GLIS3: variants seen among roughly 807,000 people sequenced by gnomAD.
The protein encoded by GLIS3 is GLIS family zinc finger 3, also known as zinc finger protein GLIS3.
Under a neutral mutation model 78.6 loss-of-function variants are expected in GLIS3, and 53 were observed. The ratio of observed to expected loss-of-function variants is 0.67; its 90% confidence interval spans 0.54 to 0.85. GLIS3 has a LOEUF of 0.85. GLIS3 is among the 40% of genes least tolerant of loss of function. GLIS3 has a pLI of 0.00. For synonymous variants in GLIS3, 684 were observed against 509.9 expected, an observed-to-expected ratio of 1.34 and a Z score of -4.60; for missense variants, 1,703 against 1,231.1, an observed-to-expected ratio of 1.38 and a Z score of -5.74.
chr9:4,447,462 T>A, the GLIS3 span, among the ~76,000 whole-genome samples: 1 of 152,134 alleles, frequency 6.6e-6, no homozygotes, highest in Non-Finnish European at 1.5e-5. Context: ...ACCACCACCA[T>A]GTTCACCCAT....
At chr9:4,173,561 TAC>T (rs34572625) in intron 2 of GLIS3, among the ~76,000 whole-genome samples, 4,486 of 146,422 alleles carry the variant, frequency 0.031, 84 homozygotes, top group African/African-American at 0.054. Context: ...TGTGTATAGA[TAC>T]ACACACACAC....
At chr9:4,255,686 C>T (rs1824860773) in intron 2 of GLIS3, among the ~76,000 whole-genome samples, 1 of 152,026 alleles carries the variant, frequency 6.6e-6, no homozygotes, top group Admixed American at 6.6e-5. Flanking sequence ...GTAAAAAGAT[C>T]AGTGGTTGCC....
rs542969852 is a variant in GLIS3 at position 4,192,823 on chromosome 9, A to G, written c.389-66882T>C. 1.2e-4 allele frequency among the ~76,000 whole-genome samples: 16 copies of G among 138,124 alleles called. No homozygotes were observed. The South Asian group carries it at 4.0e-3, about 34-fold the overall frequency. 90.6% of individuals were successfully genotyped at this position (138,124 alleles called of 152,430 possible). Reference sequence around the variant, plus strand: ...ATACAATATTTAAAAAAAAAAAAAGAAGAAGAAGAAAGGAAGAGAGATAAA... The same window carrying G: ...ATACAATATTTAAAAAAAAAAAAAGGAGAAGAAGAAAGGAAGAGAGATAAA... On this transcript the variant is annotated intron_variant, in intron 2 of 10. Transcript: ENST00000381971.
In GLIS3 at chr9:4,194,350, G is replaced by A. The variant is rs185253742; in HGVS notation, c.389-68409C>T. ...GCTAGGATTACAGGCGTGAGCCACAGCACCTGGCCTGCCACTTTATTTTTT... is the reference window on the plus strand; with the variant it reads ...GCTAGGATTACAGGCGTGAGCCACAACACCTGGCCTGCCACTTTATTTTTT... On this transcript the variant is annotated intron_variant, in intron 2 of 10. Coordinates refer to ENST00000381971, the MANE Select transcript of GLIS3 (RefSeq NM_001042413.2). Among the ~76,000 whole-genome samples, 10 of 152,302 alleles carry A rather than the reference G, an allele frequency of 6.6e-5. No homozygotes were observed. In the East Asian group the frequency reaches 1.7e-3, roughly 26 times the overall value.
chr9:4,140,688 G>A (rs1402407044), intron 2 of GLIS3, among the ~76,000 whole-genome samples: 1 of 152,088 alleles, frequency 6.6e-6, no homozygotes, highest in Non-Finnish European at 1.5e-5. Flanking sequence ...AGCCCATTCA[G>A]CAGCTCATGT....
At chr9:4,301,266 G>C (rs1025157993), upstream of GLIS3, among the ~76,000 whole-genome samples, 15 of 152,160 alleles carry the variant, frequency 9.9e-5, no homozygotes, top group East Asian at 9.6e-4. Context: ...AAAATAGTAA[G>C]AGGTCAGGAT....
At chr9:4,350,476 T>C (rs918364346), upstream of GLIS3, among the ~76,000 whole-genome samples, 2 of 152,246 alleles carry the variant, frequency 1.3e-5, no homozygotes, top group Non-Finnish European at 2.9e-5. Flanking sequence ...GCATTTTCAC[T>C]ATTCACCTGT....
chr9:4,368,623 T>C, the GLIS3 span, among the ~76,000 whole-genome samples: 1 of 152,334 alleles, frequency 6.6e-6, no homozygotes. Flanking sequence ...AGTGCTGGGA[T>C]TACAGGCGTG....
chr9:4,235,465 T>C (rs181587782), intron 2 of GLIS3, among the ~76,000 whole-genome samples: 54 of 152,304 alleles, frequency 3.5e-4, no homozygotes, highest in African/African-American at 1.3e-3. Context: ...TCTCAGTCAT[T>C]CAGCCATGCT....
At chr9:4,026,196 T>C (rs1451773421) in intron 4 of GLIS3, among the ~76,000 whole-genome samples, 1 of 152,228 alleles carries the variant, frequency 6.6e-6, no homozygotes, top group Non-Finnish European at 1.5e-5. Flanking sequence ...CCAGTGGCTA[T>C]CTCAGTTTTA....
At chr9:4,385,949 G>A in the GLIS3 span, among the ~76,000 whole-genome samples, 2 of 152,142 alleles carry the variant, frequency 1.3e-5, no homozygotes, top group African/African-American at 4.8e-5. Context: ...GCAACACTTA[G>A]CAGAGAATGC....
At chr9:3,935,883 G>C (rs1429665241) in intron 5 of GLIS3, among the ~76,000 whole-genome samples, 3 of 152,062 alleles carry the variant, frequency 2.0e-5, no homozygotes, top group African/African-American at 7.2e-5. Context: ...ATATTTACTA[G>C]GCAAACCATC....
At chr9:4,397,027 T>TC in the GLIS3 span, among the ~76,000 whole-genome samples, 3 of 121,400 alleles carry the variant, frequency 2.5e-5, no homozygotes, top group African/African-American at 5.7e-5. Flanking sequence ...TTTTTTTCTT[T>TC]TTTTTTTTTT....
intron 2 of GLIS3, among the ~76,000 whole-genome samples, chr9:4,333,247 G>C (rs200756203): frequency 6.6e-5 from 7 of 105,790 alleles, no homozygotes; most frequent in East Asian, 3.5e-4. Context: ...GGAGGGGAAG[G>C]AAAGGAAAGA....
intron 2 of GLIS3, among the ~76,000 whole-genome samples, chr9:4,170,865 A>T (rs1479099815): frequency 6.6e-6 from 1 of 152,184 alleles, no homozygotes; most frequent in East Asian, 1.9e-4. Context: ...ATGAATTCTC[A>T]TAACTGGGGA....
At chr9:3,891,168 C>T (rs72685626) in intron 7 of GLIS3, among the ~76,000 whole-genome samples, 1,654 of 151,138 alleles carry the variant, frequency 0.011, 19 homozygotes, top group Non-Finnish European at 0.016. Flanking sequence ...ATTTTCAGAA[C>T]TATAGCATGT....
intron 4 of GLIS3, among the ~76,000 whole-genome samples, chr9:4,034,059 TAA>T: frequency 6.9e-6 from 1 of 145,250 alleles, no homozygotes. Flanking sequence ...CCATTTCTAT[TAA>T]AAAAAAAAAG....
At chr9:4,312,702 G>T (rs1014898721) in intron 2 of GLIS3, among the ~76,000 whole-genome samples, 1 of 152,054 alleles carries the variant, frequency 6.6e-6, no homozygotes, top group Non-Finnish European at 1.5e-5. Flanking sequence ...CTGTTTTATG[G>T]CTCTGCTCAC....
intron 3 of GLIS3, among the ~76,000 whole-genome samples, chr9:4,309,338 T>G (rs1817303609): frequency 6.6e-6 from 1 of 152,248 alleles, no homozygotes; most frequent in Non-Finnish European, 1.5e-5. Flanking sequence ...GGCTGTAAGT[T>G]AATACTTTTT....
Sources: gnomAD v4.1 joint callset for allele counts (sites outside exome capture counted in the v4.1 genomes callset) on GRCh38, gnomAD v4.1.1 for gene constraint, MANE v1.5 for transcripts, NCBI Gene and HGNC (gene_info 2026-07-23, HGNC 2026-07-21) for gene names.